Variants in VAV1 observed in about 807,000 individuals in gnomAD.
VAV1 encodes the protein vav guanine nucleotide exchange factor 1.
VAV1 carries 33 observed loss-of-function variants against 128.1 expected under a neutral mutation model. The observed-to-expected ratio is 0.26, with a 90% CI of 0.20 to 0.34. VAV1 has a LOEUF of 0.34. Among genes scored for constraint, VAV1 ranks in the 10% least tolerant of loss-of-function variants. The pLI, the probability that VAV1 is intolerant of heterozygous loss-of-function variation, is 1.00. For synonymous variants in VAV1, 394 were observed against 409.8 expected, an observed-to-expected ratio of 0.96 and a Z score of 0.47; for missense variants, 715 against 1,093.7, an observed-to-expected ratio of 0.65 and a Z score of 4.88.
Position 6,833,787 on chromosome 19 carries a change from G to A in VAV1, c.1731+54G>A, listed in dbSNP as rs373610556. The A allele has an allele frequency of 1.7e-3, 2,674 of 1,613,736 alleles. 6 individuals carry two copies. Among genetic ancestry groups the A allele is most frequent in the Admixed American group, 4.8e-3 (287 of 60,012 alleles). ...TACCACAAATAATGGGCAACAGCGC[G>A]GGGAGGACCCAGGACATCCTGGAAC... On this transcript the variant is annotated intron_variant, in intron 18 of 26. Coordinates refer to ENST00000602142, the MANE Select transcript of VAV1 (RefSeq NM_005428.4).
In VAV1 at chr19:6,790,001, C is replaced by T. The variant is rs375836382; in HGVS notation, c.204+16990C>T. Among the ~76,000 whole-genome samples the T allele has an allele frequency of 3.7e-3, 562 of 152,038 alleles. 6 individuals carry two copies. Among genetic ancestry groups the T allele is most frequent in the African/African-American group, 0.013 (539 of 41,502 alleles). On this transcript the variant is annotated intron_variant, in intron 1 of 26. Transcript: ENST00000602142. ...CGGGTGGATCTCCAACATGGTGAAA[C>T]CCCATCTCTACTAAAAATACAAAAA...
rs138647946 is a variant in VAV1 at position 6,855,393 on chromosome 19, C to T, written c.2484+1295C>T. On this transcript the variant is annotated intron_variant, in intron 26 of 26. Transcript: ENST00000602142. ...TAAAGGATTCATCCATCCATCCATC[C>T]ATCCATCTATCCATCCATCCATCTA... Among the ~76,000 whole-genome samples the T allele has an allele frequency of 9.2e-3, 1,392 of 152,116 alleles. 22 individuals carry two copies. The highest frequency in any genetic ancestry group is 0.032 in the African/African-American group (1,334 of 41,516).
chr19:6,776,383 TCTACCCATCCACCCAC>T (rs1970637146), intron 1 of VAV1, among the ~76,000 whole-genome samples: 1 of 108,904 alleles, frequency 9.2e-6, no homozygotes, highest in African/African-American at 3.7e-5. Context: ...CATCCATCCA[TCTACCCATCCACCCAC>T]CCATCTATCC....
chr19:6,774,138 A>T (rs922893502), intron 1 of VAV1, among the ~76,000 whole-genome samples: 24 of 150,120 alleles, frequency 1.6e-4, no homozygotes, highest in African/African-American at 2.5e-4. Flanking sequence ...TTATTTATTT[A>T]TTTTTTTGAG....
Position 6,826,988 on chromosome 19 carries a change from A to G in VAV1, c.927+277A>G, listed in dbSNP as rs886690963. 4.1e-6 allele frequency: 2 copies of G among 491,624 alleles called. No homozygotes were observed. The highest frequency in any genetic ancestry group is 7.5e-6 in the Non-Finnish European group (2 of 267,354). 30.5% of individuals were successfully genotyped at this position (491,624 alleles called of 1,614,324 possible). A position where few individuals can be genotyped will look rare whatever the true frequency, so the allele number is the denominator to read the frequency against. On this transcript the variant is annotated intron_variant, in intron 9 of 26. Coordinates refer to ENST00000602142, the MANE Select transcript of VAV1 (RefSeq NM_005428.4). The surrounding 1 kb of genome is among the most constrained non-coding windows in gnomAD (Gnocchi z 4.1). ...CACACTCAACCCCAGCCCTGGGCTGAGCCCTAGCACTGATTGTACCCCAAG... is the reference window on the plus strand; with the variant it reads ...CACACTCAACCCCAGCCCTGGGCTGGGCCCTAGCACTGATTGTACCCCAAG...
intron 1 of VAV1, among the ~76,000 whole-genome samples, chr19:6,805,369 G>A (rs975871262): frequency 2.6e-5 from 4 of 151,928 alleles, no homozygotes; most frequent in East Asian, 3.9e-4. Flanking sequence ...AGGTTGCAGC[G>A]AGTTGAGATC....
intron 1 of VAV1, chr19:6,784,345 G>A (rs772626356): frequency 5.8e-4 from 257 of 443,554 alleles, no homozygotes; most frequent in Non-Finnish European, 7.8e-4. Context: ...GAATTCAGCT[G>A]GGGATGAGGG....
chr19:6,776,681 CATCCACCCACCCACCCATTCACCT>C (rs1970651081), intron 1 of VAV1, among the ~76,000 whole-genome samples: 1 of 152,000 alleles, frequency 6.6e-6, no homozygotes, highest in Non-Finnish European at 1.5e-5. Context: ...TGTATCCACC[CATCCACCCACCCACCCATTCACCT>C]ATCCACCCAC....
intron 1 of VAV1, among the ~76,000 whole-genome samples, chr19:6,793,260 G>C (rs1971056600): frequency 6.6e-6 from 1 of 152,040 alleles, no homozygotes; most frequent in South Asian, 2.1e-4. Flanking sequence ...TGCGAACCTG[G>C]GAGGCGGAGC....
chr19:6,807,789 G>A lies in VAV1; in HGVS notation c.205-12913G>A, dbSNP rs565779000. On this transcript the variant is annotated intron_variant, in intron 1 of 26. Coordinates refer to ENST00000602142, the MANE Select transcript of VAV1 (RefSeq NM_005428.4). ...GGGCAGATCATGAGGTCAGGAGTTC[G>A]AGACTAGTCTGACCAAGATGGTGAA... Among the ~76,000 whole-genome samples the A allele has an allele frequency of 1.9e-4, 29 of 151,780 alleles. No homozygotes were observed. In the South Asian group the frequency reaches 3.5e-3, roughly 19 times the overall value.
chr19:6,801,306 G>C (rs1481293574), intron 1 of VAV1, among the ~76,000 whole-genome samples: 1 of 152,170 alleles, frequency 6.6e-6, no homozygotes, highest in East Asian at 1.9e-4. Context: ...TGAGTCAATT[G>C]AATCAACGGA....
chr19:6,849,574 A>C (rs941254101), intron 23 of VAV1, among the ~76,000 whole-genome samples: 6 of 151,682 alleles, frequency 4.0e-5, no homozygotes, highest in Non-Finnish European at 8.8e-5. Context: ...CGGCCTCTCA[A>C]AGTGCTGGGA....
Position 6,789,260 on chromosome 19 carries a change from C to CTTTTTTTTTTTTTTTTT in VAV1, c.204+16261_204+16262insTTTTTTTTTTTTTTTTT, listed in dbSNP as rs771682522. Among the ~76,000 whole-genome samples, 635 of 144,782 alleles carry CTTTTTTTTTTTTTTTTT rather than the reference C, an allele frequency of 4.4e-3. 11 individuals carry two copies. The highest frequency in any genetic ancestry group is 0.015 in the African/African-American group (601 of 39,268). The allele number at this position is 144,782 out of a possible 152,430, so 95.0% of individuals were successfully genotyped here. A position where few individuals can be genotyped will look rare whatever the true frequency, so the allele number is the denominator to read the frequency against. ...TTTCTTTCTTTCTCTCTCCTTTCTT[C>CTTTTTTTTTTTTTTTTT]TTTTTTTTTTTTGACAGAGTCTCAC... On this transcript the variant is annotated intron_variant, in intron 1 of 26. Transcript: ENST00000602142.
At chr19:6,812,390 C>G (rs1971532722) in intron 1 of VAV1, among the ~76,000 whole-genome samples, 1 of 152,128 alleles carries the variant, frequency 6.6e-6, no homozygotes, top group Non-Finnish European at 1.5e-5. Context: ...TGCAGTGGTT[C>G]ACACCTGTGA....
At position 6,787,020 on chromosome 19, in the gene VAV1, AT is replaced by A. The variant is rs56137755; in HGVS notation, c.204+14024del. On this transcript the variant is annotated intron_variant, in intron 1 of 26. Coordinates refer to ENST00000602142, the MANE Select transcript of VAV1 (RefSeq NM_005428.4). ...AGGCCCATTTGTTGACACGCTGTCTATTTTTTTTTTTTTTTGAGATGGAGTC... is the reference window on the plus strand; with the variant it reads ...AGGCCCATTTGTTGACACGCTGTCTATTTTTTTTTTTTTTGAGATGGAGTC... Among the ~76,000 whole-genome samples the A allele has an allele frequency of 9.8e-3, 1,358 of 138,410 alleles. 6 individuals carry two copies. The highest frequency in any genetic ancestry group is 0.015 in the Middle Eastern group (4 of 270). 90.8% of individuals were successfully genotyped at this position (138,410 alleles called of 152,430 possible).
At chr19:6,825,215 G>A (rs1406277239) in intron 7 of VAV1, 88 bp from the exon 8 acceptor site, 15 of 1,572,862 alleles carry the variant, frequency 9.5e-6, no homozygotes, top group South Asian at 9.1e-5. Context: ...TGGGAGTTGA[G>A]CGGCATGGGG....
chr19:6,852,887 G>C, intron 24 of VAV1, 78 bp from the exon 25 acceptor site: 2 of 1,161,688 alleles, frequency 1.7e-6, no homozygotes, highest in South Asian at 2.6e-5. Context: ...GTGAGGAGTT[G>C]CATATGGCTG....
Position 6,820,937 on chromosome 19 carries a change from A to G in VAV1, c.321+119A>G. 1.1e-6 allele frequency: 1 copy of G among 912,108 alleles called. No homozygotes were observed. The highest frequency in any genetic ancestry group is 1.8e-6 in the Non-Finnish European group (1 of 568,434). The allele number at this position is 912,108 out of a possible 1,614,324, so 56.5% of individuals were successfully genotyped here. A position where few individuals can be genotyped will look rare whatever the true frequency, so the allele number is the denominator to read the frequency against. ...GACAAGCCAGACCAGGCCATATACA[A>G]GACGCAAATAGCACTGGCTTGGGAT... On this transcript the variant is annotated intron_variant, in intron 2 of 26. Transcript: ENST00000602142. The surrounding 1 kb of genome is among the most constrained non-coding windows in gnomAD (Gnocchi z 4.4).
chr19:6,849,020 C>T (rs1430461861), intron 23 of VAV1, among the ~76,000 whole-genome samples: 3 of 151,684 alleles, frequency 2.0e-5, no homozygotes, highest in African/African-American at 7.3e-5. Context: ...GTCTCATACT[C>T]CTGACCTTCA....
Sources: allele counts gnomAD v4.1 joint callset (sites outside exome capture counted in the v4.1 genomes callset), GRCh38; gene constraint gnomAD v4.1.1; non-coding constraint Gnocchi (gnomAD v3.1); transcripts MANE v1.5; gene names NCBI Gene and HGNC (gene_info 2026-07-23, HGNC 2026-07-21).